Variants in SHOC2 observed in about 807,000 individuals in gnomAD.
The protein encoded by SHOC2 is SHOC2 leucine rich repeat scaffold protein.
In SHOC2, 4 loss-of-function variants were observed where a neutral mutation model predicts 50.2. The ratio of observed to expected loss-of-function variants is 0.08; its 90% confidence interval spans 0.04 to 0.18. The LOEUF (loss-of-function observed/expected upper bound fraction) is 0.18. SHOC2 is among the 10% of genes least tolerant of loss of function. The probability of loss-of-function intolerance (pLI) is 1.00; values close to 1 mark genes in which losing one functional copy is unlikely to be tolerated. For synonymous variants in SHOC2, 218 were observed against 244.5 expected, an observed-to-expected ratio of 0.89 and a Z score of 1.01; for missense variants, 388 against 669.6, an observed-to-expected ratio of 0.58 and a Z score of 4.64.
intron 1 of SHOC2, among the ~76,000 whole-genome samples, chr10:110,956,812 C>CTT (rs892253391): frequency 6.9e-6 from 1 of 144,778 alleles, no homozygotes; most frequent in Admixed American, 6.9e-5. Flanking sequence ...AGGAAAAATC[C>CTT]TTTTTTTTTT....
At chr10:110,992,209 C>A (rs925028052) in intron 3 of SHOC2, among the ~76,000 whole-genome samples, 1 of 152,024 alleles carries the variant, frequency 6.6e-6, no homozygotes, top group African/African-American at 2.4e-5. Flanking sequence ...GTATCGCTGA[C>A]AACTCATAGG....
At chr10:110,970,211 G>A (rs1448246119) in intron 2 of SHOC2, among the ~76,000 whole-genome samples, 2 of 150,958 alleles carry the variant, frequency 1.3e-5, no homozygotes, top group South Asian at 2.1e-4. Context: ...CCCAACCCCC[G>A]CCACCCTTCT....
chr10:110,922,468 T>G (rs370967188), intron 1 of SHOC2, among the ~76,000 whole-genome samples: 1 of 152,050 alleles, frequency 6.6e-6, no homozygotes, highest in African/African-American at 2.4e-5. Flanking sequence ...ATATTTTGAT[T>G]TTTTTGTAAA....
chr10:110,936,699 T>C lies in SHOC2; in HGVS notation c.-235+17042T>C, dbSNP rs745331439. 22 of 954,096 alleles carry C rather than the reference T, an allele frequency of 2.3e-5. No individual in the cohort carries two copies. The African/African-American group carries it at 3.2e-4, about 14-fold the overall frequency. 59.1% of individuals were successfully genotyped at this position (954,096 alleles called of 1,614,324 possible). A position where few individuals can be genotyped will look rare whatever the true frequency, so the allele number is the denominator to read the frequency against. On this transcript the variant is annotated intron_variant, in intron 1 of 8. Coordinates refer to ENST00000369452, the MANE Select transcript of SHOC2 (RefSeq NM_007373.4). ...TTCTCCATGTTCCTCTTGGCCTGTTTCCGTAGGCTTATGAGCTCTTTCTTC... is the reference window on the plus strand; with the variant it reads ...TTCTCCATGTTCCTCTTGGCCTGTTCCCGTAGGCTTATGAGCTCTTTCTTC...
chr10:110,971,423 T>TA (rs1444969812), intron 2 of SHOC2, among the ~76,000 whole-genome samples: 2 of 152,174 alleles, frequency 1.3e-5, no homozygotes, highest in Non-Finnish European at 2.9e-5. Context: ...GTCTTGTTTT[T>TA]ATGCCAGTAC....
At chr10:110,994,210 G>A (rs995294520) in intron 3 of SHOC2, among the ~76,000 whole-genome samples, 7 of 152,228 alleles carry the variant, frequency 4.6e-5, no homozygotes, top group Non-Finnish European at 8.8e-5. Flanking sequence ...AATCAGACAT[G>A]ATCACTACTT....
chr10:111,007,312 AAACTTCCAGTTT>A (rs1306726558), intron 5 of SHOC2, among the ~76,000 whole-genome samples: 2 of 152,232 alleles, frequency 1.3e-5, no homozygotes, highest in Admixed American at 1.3e-4. Flanking sequence ...CATAAGGAAC[AAACTTCCAGTTT>A]AACTCCCAAA....
At chr10:110,977,302 A>T (rs1029619913) in intron 2 of SHOC2, among the ~76,000 whole-genome samples, 1 of 151,882 alleles carries the variant, frequency 6.6e-6, no homozygotes, top group Non-Finnish European at 1.5e-5. Flanking sequence ...CCCAGGCTGG[A>T]GTGCAATGGT....
Position 110,963,475 on chromosome 10 carries a change from G to A in SHOC2, c.-234-650G>A, listed in dbSNP as rs187941208. Among the ~76,000 whole-genome samples, 32 of 152,130 alleles carry A rather than the reference G, an allele frequency of 2.1e-4. No homozygotes were observed. In the East Asian group the frequency reaches 4.4e-3, roughly 21 times the overall value. ...AATGCCCCTTTCCCTGAACTGTGCTGTTTTTCATACATATTTCACTTTGTT... is the reference window on the plus strand; with the variant it reads ...AATGCCCCTTTCCCTGAACTGTGCTATTTTTCATACATATTTCACTTTGTT... On this transcript the variant is annotated intron_variant, in intron 1 of 8. Transcript: ENST00000369452.
chr10:110,955,302 C>A (rs1225680057), intron 1 of SHOC2, among the ~76,000 whole-genome samples: 1 of 152,026 alleles, frequency 6.6e-6, no homozygotes, highest in Non-Finnish European at 1.5e-5. Context: ...TAAAGTCCAC[C>A]ATGTTTGCCA....
intron 1 of SHOC2, among the ~76,000 whole-genome samples, chr10:110,937,665 A>G (rs1246563925): frequency 6.6e-6 from 1 of 152,240 alleles, no homozygotes; most frequent in African/African-American, 2.4e-5. Context: ...CAGAATTAAG[A>G]TAACTTTAAG....
intron 1 of SHOC2, chr10:110,937,034 A>C: frequency 2.0e-6 from 3 of 1,485,024 alleles, no homozygotes; most frequent in Non-Finnish European, 2.8e-6. Context: ...GGGGCGTCGG[A>C]AAGGGTTGGT....
rs2134183184 is a variant in SHOC2 at position 111,011,761 on chromosome 10, G to A, written c.1692G>A (p.Gly564=). 1 of 1,613,844 alleles carries A rather than the reference G, an allele frequency of 6.2e-7. No individual in the cohort carries two copies. Reference sequence around the variant, plus strand: ...TTCCACCTCAGATTGTTGCTGGGGGGCCTTCTTTCATCATTCAGTTCTTAA... The same window carrying A: ...TTCCACCTCAGATTGTTGCTGGGGGACCTTCTTTCATCATTCAGTTCTTAA... The part of the protein sequence containing the change: ...SHLPPQIVAG[G]PSFIIQFLKM... Residue 564 remains glycine (G), a synonymous_variant, in exon 9 of 9, where the codon GGG becomes GGA. Transcript: ENST00000369452.
At chr10:110,996,488 A>C (rs1353726835) in intron 3 of SHOC2, among the ~76,000 whole-genome samples, 2 of 151,916 alleles carry the variant, frequency 1.3e-5, no homozygotes, top group African/African-American at 4.8e-5. Flanking sequence ...TGATTGCGCC[A>C]CTGCATTCCA....
At chr10:110,925,209 T>A (rs951076580) in intron 1 of SHOC2, among the ~76,000 whole-genome samples, 1 of 152,070 alleles carries the variant, frequency 6.6e-6, no homozygotes, top group African/African-American at 2.4e-5. Context: ...TATAATCATT[T>A]AAAATGTACT....
At chr10:110,955,395 T>C (rs1564711162) in intron 1 of SHOC2, among the ~76,000 whole-genome samples, 1 of 152,208 alleles carries the variant, frequency 6.6e-6, no homozygotes, top group Non-Finnish European at 1.5e-5. Flanking sequence ...CTGAATGTTG[T>C]CTTTTACTGA....
intron 1 of SHOC2, among the ~76,000 whole-genome samples, chr10:110,961,219 A>C (rs1180787078): frequency 6.6e-6 from 1 of 152,174 alleles, no homozygotes; most frequent in Admixed American, 6.5e-5. Flanking sequence ...CTATTACCTA[A>C]ATGAGTGCAA....
Position 110,964,564 on chromosome 10 carries a change from A to G in SHOC2, c.206A>G (p.Asp69Gly), listed in dbSNP as rs781645815. 6.2e-7 allele frequency: 1 copy of G among 1,614,144 alleles called. No homozygotes were observed. Among genetic ancestry groups the G allele is most frequent in the Non-Finnish European group, 8.5e-7 (1 of 1,180,006 alleles). The change falls in exon 2 of 9, where the codon GAC becomes GGC. Residue 69 changes from aspartate to glycine, a missense_variant. Physicochemically the swap from Asp to Gly is moderately conservative, Grantham distance 94. Coordinates refer to ENST00000369452, the MANE Select transcript of SHOC2 (RefSeq NM_007373.4). This position sits in a 1 kb window ranked among gnomAD's most constrained non-coding sequence, Gnocchi z 4.9. Reference sequence around the variant, plus strand: ...CAACCAGGGGTGGCATTTTCAGTTGACAATACGATCAAACGGCCAAACCCA... The same window carrying G: ...CAACCAGGGGTGGCATTTTCAGTTGGCAATACGATCAAACGGCCAAACCCA... ...AAQPGVAFSV[D>G]NTIKRPNPAP...
chr10:110,956,717 AG>A (rs1156463866), intron 1 of SHOC2, among the ~76,000 whole-genome samples: 1 of 152,068 alleles, frequency 6.6e-6, no homozygotes, highest in Non-Finnish European at 1.5e-5. Flanking sequence ...GCTTGGGTTT[AG>A]ATTGTCTGCC....
Sources: gnomAD v4.1 joint callset for allele counts (sites outside exome capture counted in the v4.1 genomes callset) on GRCh38, gnomAD v4.1.1 for gene constraint, Gnocchi (gnomAD v3.1) non-coding constraint, MANE v1.5 for transcripts, NCBI Gene and HGNC (gene_info 2026-07-23, HGNC 2026-07-21) for gene names.